Variants in ATP13A4 observed in about 807,000 individuals in gnomAD.
ATP13A4 encodes the protein probable cation-transporting ATPase 13A4.
A neutral mutation model predicts 142.5 loss-of-function variants in ATP13A4; 114 were observed. The ratio of observed to expected loss-of-function variants is 0.80; its 90% CI spans 0.69 to 0.93. ATP13A4 has a LOEUF of 0.93. Among genes scored for constraint, ATP13A4 ranks in the 40% least tolerant of loss-of-function variants. The pLI is 0.00. For missense variants in ATP13A4, 1,392 were observed against 1,454.0 expected (o/e 0.96, Z 0.69); for synonymous variants, 488 against 514.8 (o/e 0.95, Z 0.70).
At chr3:193,547,471 C>G (rs1221973426) in intron 1 of ATP13A4, among the ~76,000 whole-genome samples, 1 of 152,148 alleles carries the variant, frequency 6.6e-6, no homozygotes, top group Non-Finnish European at 1.5e-5. Flanking sequence ...CCACCTGATT[C>G]TATAGATCAA....
chr3:193,440,176 G>T (rs1716542371), intron 21 of ATP13A4: 1 of 233,072 alleles, frequency 4.3e-6, no homozygotes, highest in African/African-American at 2.3e-5. Flanking sequence ...TATCATCATT[G>T]TGATGACGGC....
At chr3:193,417,698 G>GACAAAAAATAAT (rs1576939664) in intron 25 of ATP13A4, among the ~76,000 whole-genome samples, 5 of 138,484 alleles carry the variant, frequency 3.6e-5, no homozygotes, top group East Asian at 2.8e-4. Context: ...AGACAAAAAA[G>GACAAAAAATAAT]AAATTGGCCA....
intron 2 of ATP13A4, among the ~76,000 whole-genome samples, chr3:193,567,214 T>C (rs1288895863): frequency 1.3e-5 from 2 of 152,174 alleles, no homozygotes; most frequent in Non-Finnish European, 2.9e-5. Flanking sequence ...CATATTTTTA[T>C]ATAAAAAATG....
chr3:193,419,693 C>G (rs1715311746), intron 25 of ATP13A4, among the ~76,000 whole-genome samples: 1 of 150,150 alleles, frequency 6.7e-6, no homozygotes, highest in African/African-American at 2.5e-5. Context: ...GGGAAAAGCA[C>G]TGGCTGAGCA....
At chr3:193,448,478 G>T (rs1717086290) in intron 17 of ATP13A4, 148 bp from the exon 18 acceptor site, 1 of 990,834 alleles carries the variant, frequency 1.0e-6, no homozygotes, top group African/African-American at 1.6e-5. Flanking sequence ...TGGGATTATA[G>T]GTGCCCACCA....
intron 22 of ATP13A4, 74 bp downstream of exon 22, chr3:193,438,949 A>G (rs1576962317): frequency 6.9e-7 from 1 of 1,440,296 alleles, no homozygotes; most frequent in African/African-American, 1.4e-5. Flanking sequence ...GACTACACAC[A>G]CTGGCAGCTA....
chr3:193,582,473 A>T (rs1724569405), intron 1 of ATP13A4, among the ~76,000 whole-genome samples: 2 of 145,742 alleles, frequency 1.4e-5, no homozygotes, highest in South Asian at 4.2e-4. Flanking sequence ...ATATGCATGT[A>T]CATATAATAT....
At chr3:193,446,105 G>T (rs1716939168) in intron 18 of ATP13A4, among the ~76,000 whole-genome samples, 1 of 152,134 alleles carries the variant, frequency 6.6e-6, no homozygotes, top group African/African-American at 2.4e-5. Context: ...CAAGGCTGAA[G>T]TGAGCTATGA....
intron 1 of ATP13A4, among the ~76,000 whole-genome samples, chr3:193,520,869 G>A (rs1247050438): frequency 6.6e-6 from 1 of 152,154 alleles, no homozygotes; most frequent in East Asian, 1.9e-4. Flanking sequence ...TAGTTGGGAT[G>A]ATAATCAAAT....
chr3:193,439,477 A>G (rs1289060126), intron 21 of ATP13A4, among the ~76,000 whole-genome samples: 1 of 152,180 alleles, frequency 6.6e-6, no homozygotes, highest in Non-Finnish European at 1.5e-5. Context: ...ACGAAGGGCT[A>G]TGAGTATTAA....
chr3:193,441,776 A>T (rs556787457), intron 19 of ATP13A4, among the ~76,000 whole-genome samples, 188 bp from the exon 20 acceptor site: 1 of 152,180 alleles, frequency 6.6e-6, no homozygotes, highest in Non-Finnish European at 1.5e-5. Flanking sequence ...AGTGAATAGG[A>T]GAATAACACT....
At position 193,465,134 on chromosome 3, in the gene ATP13A4, C is replaced by T. The variant is rs144139461; in HGVS notation, c.1273-6G>A. 2.3e-4 allele frequency: 377 copies of T among 1,613,364 alleles called. 2 individuals carry two copies. In the Middle Eastern group the frequency reaches 2.5e-3, roughly 11 times the overall value. The stretch of plus-strand genomic sequence containing the variant: ...ACCACCTCCTCTGGAGGTTCCTGGA[C>T]GACAGTCATTCTTTAATTATTACAG... On this transcript the variant is annotated splice_polypyrimidine_tract_variant and splice_region_variant and intron_variant, in intron 11 of 29. Transcript: ENST00000342695.
intron 23 of ATP13A4, among the ~76,000 whole-genome samples, chr3:193,437,035 C>T (rs1200620130): frequency 1.5e-5 from 2 of 133,534 alleles, no homozygotes; most frequent in Admixed American, 7.7e-5. Flanking sequence ...ACCCGGGAGG[C>T]GGAGCTTGCA....
chr3:193,456,136 T>A (rs1411601947), intron 16 of ATP13A4, among the ~76,000 whole-genome samples: 3 of 152,126 alleles, frequency 2.0e-5, no homozygotes, highest in African/African-American at 7.2e-5. Flanking sequence ...AGTTTACCTA[T>A]GTAACAAACC....
chr3:193,570,173 C>T lies in ATP13A4; in HGVS notation n.291+11534G>A, dbSNP rs534554614. ...ACAAAAAAATTAAAAATTAGCCAGG[C>T]GTGGTGGCACACACCTGTAATTCCG... On this transcript the variant is annotated intron_variant and non_coding_transcript_variant, in intron 2 of 3. Coordinates refer to the ATP13A4 transcript ENST00000489140. Among the ~76,000 whole-genome samples the T allele has an allele frequency of 4.6e-5, 7 of 152,046 alleles. No individual in the cohort carries two copies. In the South Asian group the frequency reaches 1.3e-3, roughly 27 times the overall value.
intron 3 of ATP13A4, among the ~76,000 whole-genome samples, chr3:193,499,060 AT>A (rs1720397465): frequency 6.6e-6 from 1 of 152,252 alleles, no homozygotes. Context: ...CAATAGGTGT[AT>A]GTACAGGTAC....
intron 17 of ATP13A4, among the ~76,000 whole-genome samples, chr3:193,452,681 T>C (rs942157124): frequency 1.3e-5 from 2 of 150,102 alleles, no homozygotes; most frequent in African/African-American, 2.4e-5. Context: ...TGGACATTCA[T>C]GAACACTGAA....
intron 25 of ATP13A4, among the ~76,000 whole-genome samples, chr3:193,429,025 T>A (rs1715828072): frequency 6.6e-6 from 1 of 152,000 alleles, no homozygotes; most frequent in Non-Finnish European, 1.5e-5. Context: ...AAAGAAGACA[T>A]GTAAATGGCT....
chr3:193,550,362 A>C (rs902340603), intron 1 of ATP13A4, among the ~76,000 whole-genome samples: 1 of 144,820 alleles, frequency 6.9e-6, no homozygotes, highest in Non-Finnish European at 1.5e-5. Context: ...GCTGGAGTGC[A>C]CTGATATGAT....
Sources: allele counts gnomAD v4.1 joint callset (sites outside exome capture counted in the v4.1 genomes callset), GRCh38; gene constraint gnomAD v4.1.1; transcripts MANE v1.5; gene names NCBI Gene and HGNC (gene_info 2026-07-23, HGNC 2026-07-21).